Variants in SLC25A26 observed in about 807,000 individuals in gnomAD.
SLC25A26 encodes the protein mitochondrial S-adenosylmethionine carrier protein.
In SLC25A26, 36 loss-of-function variants were observed where a neutral mutation model predicts 37.8. That is an observed-to-expected ratio of 0.95 (90% CI 0.73 to 1.26). The LOEUF (loss-of-function observed/expected upper bound fraction) is 1.26. SLC25A26 is among the 50% of genes most tolerant of loss of function. The pLI, the probability that SLC25A26 is intolerant of heterozygous loss-of-function variation, is 0.00. For synonymous variants in SLC25A26, 129 were observed against 122.5 expected, an observed-to-expected ratio of 1.05 and a Z score of -0.35; for missense variants, 390 against 331.1, an observed-to-expected ratio of 1.18 and a Z score of -1.38.
rs36158696 is a variant in SLC25A26 at position 66,194,069 on chromosome 3, G to C, written c.-353-26673G>C. Among the ~76,000 whole-genome samples the C allele has an allele frequency of 5.4e-3, 825 of 152,298 alleles. 7 individuals carry two copies. The highest frequency in any genetic ancestry group is 0.019 in the African/African-American group (799 of 41,556). On this transcript the variant is annotated intron_variant, in intron 1 of 10. Coordinates refer to the SLC25A26 transcript ENST00000676754. ...GACCAACACTGGTGGCTTAATTTTA[G>C]ATGTAGCTGCCAAGGATGTGTTTGA...
At position 66,332,559 on chromosome 3, in the gene SLC25A26, T is replaced by G. The variant is rs540436673; in HGVS notation, c.454-13805T>G. Among the ~76,000 whole-genome samples the G allele has an allele frequency of 2.6e-5, 4 of 152,234 alleles. No homozygotes were observed. In the South Asian group the frequency reaches 8.3e-4, roughly 32 times the overall value. ...TCTAGAATTAGACTTAGAAGTGTAATTTGGCAGCACTTGGATTTTCTTTTT... is the reference window on the plus strand; with the variant it reads ...TCTAGAATTAGACTTAGAAGTGTAAGTTGGCAGCACTTGGATTTTCTTTTT... On this transcript the variant is annotated intron_variant, in intron 5 of 9. Transcript: ENST00000354883.
At position 66,362,941 on chromosome 3, in the gene SLC25A26, T is replaced by C. The variant is rs756243642; in HGVS notation, c.568+12T>C. 8 of 1,567,492 alleles carry C rather than the reference T, an allele frequency of 5.1e-6. No homozygotes were observed. The highest frequency in any genetic ancestry group is 1.7e-4 in the Middle Eastern group (1 of 5,978). On this transcript the variant is annotated intron_variant, in intron 7 of 9. Transcript: ENST00000354883. ...TGGAGCTTTTGCAGGTGCAAAGGATTATATTATACTGGGAAAGACCAAAGA... is the reference window on the plus strand; with the variant it reads ...TGGAGCTTTTGCAGGTGCAAAGGATCATATTATACTGGGAAAGACCAAAGA...
At chr3:66,246,340 G>A (rs1036742924) in intron 3 of SLC25A26, among the ~76,000 whole-genome samples, 1 of 152,148 alleles carries the variant, frequency 6.6e-6, no homozygotes, top group Non-Finnish European at 1.5e-5. Context: ...TGAAGGGCAG[G>A]CTTTCCTCAG....
At chr3:66,280,078 T>C (rs1342389680) in intron 5 of SLC25A26, among the ~76,000 whole-genome samples, 3 of 152,190 alleles carry the variant, frequency 2.0e-5, no homozygotes, top group Non-Finnish European at 2.9e-5. Flanking sequence ...CACACAATGG[T>C]TTTCCAAGGT....
intron 1 of SLC25A26, among the ~76,000 whole-genome samples, chr3:66,163,926 G>A (rs539320630): frequency 5.4e-4 from 83 of 152,366 alleles, no homozygotes; most frequent in African/African-American, 1.9e-3. Context: ...CTGTGGGAAA[G>A]AGATGTTAGT....
chr3:66,154,129 G>C (rs556555965), intron 1 of SLC25A26, among the ~76,000 whole-genome samples: 7 of 152,222 alleles, frequency 4.6e-5, no homozygotes, highest in African/African-American at 1.4e-4. Flanking sequence ...TCGGGCACCA[G>C]ACCCTGGCTG....
chr3:66,225,121 A>G (rs995107298), intron 1 of SLC25A26, among the ~76,000 whole-genome samples: 2 of 152,014 alleles, frequency 1.3e-5, no homozygotes, highest in Non-Finnish European at 2.9e-5. Flanking sequence ...CCCTCTTCTC[A>G]CAGCTCCACC....
chr3:66,371,195 C>A, intron 9 of SLC25A26: 1 of 1,481,696 alleles, frequency 6.7e-7, no homozygotes, highest in South Asian at 1.3e-5. Context: ...GATGATTTTT[C>A]TCTTAGGGAC....
At chr3:66,219,544 G>A (rs1335556913), upstream of SLC25A26, among the ~76,000 whole-genome samples, 3 of 152,164 alleles carry the variant, frequency 2.0e-5, no homozygotes, top group African/African-American at 7.2e-5. Flanking sequence ...AGCATGTTTT[G>A]AGAGGGCCTA....
intron 1 of SLC25A26, among the ~76,000 whole-genome samples, chr3:66,226,551 T>G (rs1190894125): frequency 6.6e-6 from 1 of 152,072 alleles, no homozygotes; most frequent in African/African-American, 2.4e-5. Context: ...TCTGCTCAAG[T>G]GATCCTCCCA....
intron 1 of SLC25A26, among the ~76,000 whole-genome samples, chr3:66,224,431 C>G (rs1422462912): frequency 1.3e-5 from 2 of 152,182 alleles, no homozygotes; most frequent in East Asian, 3.9e-4. Context: ...CTTTATAAAA[C>G]CATCAGATCC....
At position 66,190,024 on chromosome 3, in the gene SLC25A26, A is replaced by G. The variant is rs1245059035; in HGVS notation, c.-353-30718A>G. On this transcript the variant is annotated intron_variant, in intron 1 of 10. Coordinates refer to the SLC25A26 transcript ENST00000676754. Reference sequence around the variant, plus strand: ...GGTCTCCCTCAAAGTAAGAAACTACAGTTGAGGCTGGGTGCAGTGGCTCAG... The same window carrying G: ...GGTCTCCCTCAAAGTAAGAAACTACGGTTGAGGCTGGGTGCAGTGGCTCAG... 3.3e-5 allele frequency among the ~76,000 whole-genome samples: 5 copies of G among 151,146 alleles called. No individual in the cohort carries two copies. The South Asian group carries it at 1.1e-3, about 33-fold the overall frequency.
chr3:66,243,656 G>A (rs1343205068), intron 3 of SLC25A26, among the ~76,000 whole-genome samples: 5 of 152,194 alleles, frequency 3.3e-5, no homozygotes, highest in Admixed American at 6.5e-5. Flanking sequence ...CTACTTTTCC[G>A]AGAATTTCCT....
At position 66,318,176 on chromosome 3, in the gene SLC25A26, C is replaced by T. The variant is rs1469623083; in HGVS notation, c.454-28188C>T. On this transcript the variant is annotated intron_variant, in intron 5 of 9. Coordinates refer to ENST00000354883, the MANE Select transcript of SLC25A26 (RefSeq NM_001379210.1). The stretch of plus-strand genomic sequence containing the variant: ...ATGGGAGTGGACAGATGTCCTGCCT[C>T]GCTGGGGTTCCCAGAGCTGGAGTAT... Among the ~76,000 whole-genome samples the T allele has an allele frequency of 3.3e-5, 5 of 152,156 alleles. No individual in the cohort carries two copies. The East Asian group carries it at 7.7e-4, about 23-fold the overall frequency.
At chr3:66,344,807 T>C (rs1283098342) in intron 5 of SLC25A26, among the ~76,000 whole-genome samples, 1 of 152,178 alleles carries the variant, frequency 6.6e-6, no homozygotes, top group African/African-American at 2.4e-5. Context: ...AATAACAGAT[T>C]GTACTGTGGG....
At chr3:66,275,145 G>T (rs1045073465) in intron 5 of SLC25A26, among the ~76,000 whole-genome samples, 3 of 150,762 alleles carry the variant, frequency 2.0e-5, no homozygotes, top group Non-Finnish European at 3.0e-5. Flanking sequence ...GTAAACTATC[G>T]CAAGGACAAA....
intron 5 of SLC25A26, among the ~76,000 whole-genome samples, chr3:66,335,731 A>G (rs928369260): frequency 1.3e-5 from 2 of 152,162 alleles, no homozygotes; most frequent in Non-Finnish European, 2.9e-5. Flanking sequence ...TATCAAGCTT[A>G]CTGTCTTCTC....
chr3:66,151,558 G>A (rs536965521), intron 1 of SLC25A26, among the ~76,000 whole-genome samples: 1 of 152,360 alleles, frequency 6.6e-6, no homozygotes, highest in African/African-American at 2.4e-5. Flanking sequence ...AGCTCATCAT[G>A]AAGTTCCATG....
chr3:66,154,927 A>G (rs889750287), intron 1 of SLC25A26, among the ~76,000 whole-genome samples: 20 of 152,240 alleles, frequency 1.3e-4, no homozygotes, highest in African/African-American at 4.3e-4. Flanking sequence ...CTCTTCAATA[A>G]ACAATATTAT....
Sources: gnomAD v4.1 joint callset for allele counts (sites outside exome capture counted in the v4.1 genomes callset) on GRCh38, gnomAD v4.1.1 for gene constraint, MANE v1.5 for transcripts, NCBI Gene and HGNC (gene_info 2026-07-23, HGNC 2026-07-21) for gene names.